Variants in PDE4D observed in about 807,000 individuals in gnomAD.
The protein encoded by PDE4D is 3',5'-cyclic-AMP phosphodiesterase 4D.
In PDE4D, 24 loss-of-function variants were observed where a neutral mutation model predicts 87.4. That is an observed-to-expected ratio of 0.27 (90% CI 0.20 to 0.39). The LOEUF is 0.39. PDE4D is among the 10% of genes least tolerant of loss of function. The pLI is 1.00. For synonymous variants in PDE4D, 384 were observed against 383.2 expected (o/e 1.00, Z -0.02); for missense variants, 714 against 1,041.0 (o/e 0.69, Z 4.32).
At chr5:59,946,570 C>T (rs976466965) in intron 3 of PDE4D, among the ~76,000 whole-genome samples, 2 of 152,174 alleles carry the variant, frequency 1.3e-5, no homozygotes, top group Admixed American at 1.3e-4. Flanking sequence ...AAGAAGGACA[C>T]CCATTTTTCT....
At chr5:59,268,375 C>A (rs1374319949) in intron 1 of PDE4D, among the ~76,000 whole-genome samples, 1 of 152,024 alleles carries the variant, frequency 6.6e-6, no homozygotes, top group Non-Finnish European at 1.5e-5. Flanking sequence ...AAGAACTAGG[C>A]AATTTGAGAG....
chr5:60,066,799 T>C (rs1033232214), intron 2 of PDE4D, among the ~76,000 whole-genome samples: 3 of 152,122 alleles, frequency 2.0e-5, no homozygotes, highest in African/African-American at 4.8e-5. Context: ...TGCATTGTTT[T>C]CTCCTGAGAC....
chr5:59,499,013 CAT>C lies in PDE4D; in HGVS notation c.456-283047_456-283046del, dbSNP rs144116064. ...ATGATATATATTCCAAGATTGAACACATAGTCATAAAGCAAGTCTTAATACAT... is the reference window on the plus strand; with the variant it reads ...ATGATATATATTCCAAGATTGAACACAGTCATAAAGCAAGTCTTAATACAT... On this transcript the variant is annotated intron_variant, in intron 1 of 14. Transcript: ENST00000340635. Among the ~76,000 whole-genome samples, 681 of 152,050 alleles carry C rather than the reference CAT, an allele frequency of 4.5e-3. 7 individuals are homozygous for C. The highest frequency in any genetic ancestry group is 0.015 in the African/African-American group (630 of 41,506).
intron 1 of PDE4D, among the ~76,000 whole-genome samples, chr5:59,724,491 T>C (rs986783656): frequency 6.6e-6 from 1 of 152,076 alleles, no homozygotes; most frequent in Non-Finnish European, 1.5e-5. Context: ...AGGTAGTTTT[T>C]TGAGAAAGAT....
chr5:59,989,349 C>T (rs1762787392), intron 2 of PDE4D, among the ~76,000 whole-genome samples: 1 of 151,588 alleles, frequency 6.6e-6, no homozygotes. Context: ...ATCTTATGGC[C>T]ACCATGGTAT....
chr5:60,051,321 C>T (rs779662531), intron 2 of PDE4D, among the ~76,000 whole-genome samples: 2 of 152,100 alleles, frequency 1.3e-5, no homozygotes, highest in Non-Finnish European at 2.9e-5. Flanking sequence ...TGCAAAAGAA[C>T]AGAAATCATA....
At chr5:60,131,288 T>A (rs1393384111) in intron 2 of PDE4D, among the ~76,000 whole-genome samples, 1 of 152,210 alleles carries the variant, frequency 6.6e-6, no homozygotes, top group Non-Finnish European at 1.5e-5. Flanking sequence ...ATGTGGTAAG[T>A]AGAGAAGGAT....
chr5:59,334,723 C>T (rs531189412), intron 1 of PDE4D, among the ~76,000 whole-genome samples: 3 of 152,006 alleles, frequency 2.0e-5, no homozygotes, highest in African/African-American at 7.2e-5. Flanking sequence ...AAAGCAAAAC[C>T]ATATTAATAT....
At chr5:60,239,629 T>C (rs1746849181) in intron 1 of PDE4D, among the ~76,000 whole-genome samples, 1 of 152,142 alleles carries the variant, frequency 6.6e-6, no homozygotes, top group Non-Finnish European at 1.5e-5. Context: ...TGTAATTTTA[T>C]TTGTAAAGAT....
chr5:60,002,676 C>G (rs1291729284), intron 2 of PDE4D, among the ~76,000 whole-genome samples: 1 of 152,032 alleles, frequency 6.6e-6, no homozygotes, highest in Non-Finnish European at 1.5e-5. Context: ...ATCATATGAT[C>G]TATAATCATC....
chr5:59,960,009 C>T (rs1232315254), intron 3 of PDE4D, among the ~76,000 whole-genome samples: 2 of 151,666 alleles, frequency 1.3e-5, no homozygotes, highest in East Asian at 1.9e-4. Context: ...AGAAAAAAAC[C>T]AAATAACCCC....
At chr5:60,169,970 T>C (rs978358705) in intron 2 of PDE4D, among the ~76,000 whole-genome samples, 1 of 152,024 alleles carries the variant, frequency 6.6e-6, no homozygotes, top group African/African-American at 2.4e-5. Context: ...TTCACAACAG[T>C]TCCCAGAAAA....
At chr5:59,281,525 G>T (rs1250843365) in intron 1 of PDE4D, among the ~76,000 whole-genome samples, 1 of 152,002 alleles carries the variant, frequency 6.6e-6, no homozygotes, top group Admixed American at 6.6e-5. Context: ...TCTAAGCATA[G>T]GTAAATATTA....
chr5:59,324,216 C>T (rs1775238060), intron 1 of PDE4D, among the ~76,000 whole-genome samples: 1 of 152,170 alleles, frequency 6.6e-6, no homozygotes, highest in Non-Finnish European at 1.5e-5. Context: ...CAGCATCCTG[C>T]ATTTACATGT....
At chr5:59,126,675 G>T (rs544542925) in intron 5 of PDE4D, among the ~76,000 whole-genome samples, 6 of 152,246 alleles carry the variant, frequency 3.9e-5, no homozygotes, top group African/African-American at 1.4e-4. Flanking sequence ...CACATTTCCT[G>T]CCAGATTTTG....
At chr5:60,270,163 G>A (rs1351496287) in intron 1 of PDE4D, among the ~76,000 whole-genome samples, 2 of 152,158 alleles carry the variant, frequency 1.3e-5, no homozygotes, top group Non-Finnish European at 2.9e-5. Flanking sequence ...GAGATAGGAA[G>A]GTGAAGAGTC....
chr5:60,198,908 A>T (rs1484732929), intron 1 of PDE4D, among the ~76,000 whole-genome samples: 1 of 151,552 alleles, frequency 6.6e-6, no homozygotes, highest in African/African-American at 2.4e-5. Flanking sequence ...TCTTCCCAGG[A>T]TTGTTAGTCT....
intron 2 of PDE4D, among the ~76,000 whole-genome samples, chr5:60,155,783 A>G (rs905662026): frequency 3.4e-5 from 5 of 147,624 alleles, no homozygotes; most frequent in African/African-American, 1.0e-4. Context: ...GAGGCCTTCG[A>G]CTTCTAAAGG....
chr5:59,852,832 A>T (rs1040397930), intron 1 of PDE4D, among the ~76,000 whole-genome samples: 1 of 152,030 alleles, frequency 6.6e-6, no homozygotes, highest in Non-Finnish European at 1.5e-5. Context: ...AATAAAAAAA[A>T]AAAGAGTCGT....
Sources: allele counts gnomAD v4.1 joint callset (sites outside exome capture counted in the v4.1 genomes callset), GRCh38; gene constraint gnomAD v4.1.1; transcripts MANE v1.5; gene names NCBI Gene and HGNC (gene_info 2026-07-23, HGNC 2026-07-21).